HECTD2: variants seen among roughly 807,000 people sequenced by gnomAD.
HECTD2 encodes the protein probable E3 ubiquitin-protein ligase HECTD2.
In HECTD2, 35 loss-of-function variants were observed where a neutral mutation model predicts 103.2. The observed-to-expected ratio is 0.34, with a 90% CI of 0.26 to 0.45. The LOEUF (loss-of-function observed/expected upper bound fraction) is 0.45. HECTD2 is among the 20% of genes least tolerant of loss of function. HECTD2 has a pLI of 1.00. For missense variants in HECTD2, 596 were observed against 937.4 expected (o/e 0.64, Z 4.76); for synonymous variants, 281 against 329.9 (o/e 0.85, Z 1.61).
intron 2 of HECTD2, among the ~76,000 whole-genome samples, chr10:91,445,450 T>C (rs1844560683): frequency 6.6e-6 from 1 of 152,118 alleles, no homozygotes. Flanking sequence ...AAATAAGTAA[T>C]AAGTAATGAA....
chr10:91,497,347 G>A (rs544730065), intron 15 of HECTD2, among the ~76,000 whole-genome samples: 4 of 146,042 alleles, frequency 2.7e-5, no homozygotes, highest in African/African-American at 7.7e-5. Flanking sequence ...CTAGAATGCA[G>A]TGGAACAATC....
chr10:91,476,868 TG>T (rs1386566405), intron 5 of HECTD2, among the ~76,000 whole-genome samples: 2 of 152,024 alleles, frequency 1.3e-5, no homozygotes, highest in East Asian at 1.9e-4. Context: ...CTGCTCAGGA[TG>T]GGGAGGGGAT....
At chr10:91,425,920 G>A (rs1173863896) in intron 2 of HECTD2, among the ~76,000 whole-genome samples, 2 of 151,860 alleles carry the variant, frequency 1.3e-5, no homozygotes, top group African/African-American at 2.4e-5. Context: ...TGGAAAAAAT[G>A]TACATTATTT....
At chr10:91,481,441 C>T (rs2133278763) in intron 7 of HECTD2, among the ~76,000 whole-genome samples, 1 of 151,678 alleles carries the variant, frequency 6.6e-6, no homozygotes, top group South Asian at 2.1e-4. Flanking sequence ...CAGGAACAAA[C>T]AGAATGGAAG....
In HECTD2 at chr10:91,487,540, CACAT is replaced by C. The variant is rs1338359427; in HGVS notation, c.1095-138_1095-135del. On this transcript the variant is annotated intron_variant, in intron 10 of 20. Coordinates refer to ENST00000298068, the MANE Select transcript of HECTD2 (RefSeq NM_182765.6). This position sits in a 1 kb window ranked among gnomAD's most constrained non-coding sequence, Gnocchi z 4.1. ...GCTGTGAGAATTAAAAGAAATTATA[CACAT>C]ACAATCATTTTGTATATGGTAAAAC... is the stretch of plus-strand genomic sequence containing the variant. The C allele has an allele frequency of 4.3e-6, 3 of 701,376 alleles. No homozygotes were observed. In the Admixed American group the frequency reaches 6.1e-5, roughly 14 times the overall value. The allele number at this position is 701,376 out of a possible 1,614,324, so 43.4% of individuals were successfully genotyped here.
chr10:91,429,050 C>T (rs1245228090), intron 2 of HECTD2, among the ~76,000 whole-genome samples: 1 of 151,970 alleles, frequency 6.6e-6, no homozygotes, highest in Non-Finnish European at 1.5e-5. Context: ...GAAATGTGTC[C>T]CATCAATACC....
chr10:91,467,240 T>G (rs1042005164), intron 5 of HECTD2, among the ~76,000 whole-genome samples: 2 of 152,040 alleles, frequency 1.3e-5, no homozygotes, highest in Non-Finnish European at 1.5e-5. Context: ...CATGGACACT[T>G]GAGCTGGCAG....
At chr10:91,483,112 C>T (rs1348850715) in intron 8 of HECTD2, 36 bp downstream of exon 8, 2 of 911,790 alleles carry the variant, frequency 2.2e-6, no homozygotes, top group South Asian at 3.0e-5. Flanking sequence ...CTTTTATAGT[C>T]TCACAGTTTT....
At chr10:91,418,438 A>T (rs561913866) in intron 1 of HECTD2, among the ~76,000 whole-genome samples, 6 of 151,402 alleles carry the variant, frequency 4.0e-5, no homozygotes, top group African/African-American at 1.5e-4. Flanking sequence ...AATTGCGTTG[A>T]TTTTTTTTTG....
chr10:91,455,338 T>C (rs1046617712), intron 2 of HECTD2, among the ~76,000 whole-genome samples: 1 of 152,222 alleles, frequency 6.6e-6, no homozygotes. Flanking sequence ...TGAGCATTTT[T>C]TTCATGTGTC....
chr10:91,481,648 GATAGATACAGATTA>G (rs1169269357), intron 7 of HECTD2, among the ~76,000 whole-genome samples: 1 of 151,220 alleles, frequency 6.6e-6, no homozygotes, highest in African/African-American at 2.4e-5. Context: ...TTTTCCTCTT[GATAGATACAGATTA>G]ATAGATACAA....
chr10:91,449,760 A>T (rs1564712067), intron 2 of HECTD2, among the ~76,000 whole-genome samples: 1 of 152,136 alleles, frequency 6.6e-6, no homozygotes, highest in South Asian at 2.1e-4. Context: ...CCAAATCATG[A>T]GTGACCCCCA....
At chr10:91,502,179 A>G (rs1423447033) in intron 20 of HECTD2, among the ~76,000 whole-genome samples, 3 of 152,110 alleles carry the variant, frequency 2.0e-5, no homozygotes, top group Admixed American at 6.5e-5. Context: ...GAATCCAGAG[A>G]CTGTAAAATA....
intron 20 of HECTD2, among the ~76,000 whole-genome samples, chr10:91,503,696 G>T (rs577646188): frequency 6.6e-6 from 1 of 152,180 alleles, no homozygotes; most frequent in Non-Finnish European, 1.5e-5. Flanking sequence ...AGCGAGGCTG[G>T]GGGAGGGGCG....
intron 5 of HECTD2, among the ~76,000 whole-genome samples, chr10:91,468,865 A>G (rs7075424): frequency 0.2 from 29,720 of 149,076 alleles, 7,056 homozygotes; most frequent in African/African-American, 0.58. Flanking sequence ...GAGCCCAGGA[A>G]TTCAAAACTG....
intron 2 of HECTD2, among the ~76,000 whole-genome samples, chr10:91,427,490 C>T (rs1364246065): frequency 6.6e-6 from 1 of 152,190 alleles, no homozygotes; most frequent in Non-Finnish European, 1.5e-5. Flanking sequence ...GTTCCTGTCT[C>T]ACCACATCCT....
At chr10:91,491,781 T>C (rs922838110) in intron 12 of HECTD2, among the ~76,000 whole-genome samples, 11 of 152,318 alleles carry the variant, frequency 7.2e-5, no homozygotes, top group African/African-American at 2.4e-4. Flanking sequence ...AAAAAATGCT[T>C]CAGCTAGATC....
chr10:91,422,650 C>T (rs1429304691), intron 1 of HECTD2, among the ~76,000 whole-genome samples: 1 of 152,136 alleles, frequency 6.6e-6, no homozygotes, highest in Non-Finnish European at 1.5e-5. Flanking sequence ...CTAATCAACA[C>T]ACTAGTTTTG....
rs563661631 is a variant in HECTD2 at position 91,439,352 on chromosome 10, G to A, written c.268+13942G>A. On this transcript the variant is annotated intron_variant, in intron 2 of 20. Transcript: ENST00000298068. ...ATAGGGAATCCTTTCCCCATTGATT[G>A]TTTTTGTCAGATTTGTCAAAGATCA... 2.6e-5 allele frequency among the ~76,000 whole-genome samples: 4 copies of A among 152,252 alleles called. No individual in the cohort carries two copies. In the South Asian group the frequency reaches 8.3e-4, roughly 32 times the overall value.
Sources: allele counts gnomAD v4.1 joint callset (sites outside exome capture counted in the v4.1 genomes callset), GRCh38; gene constraint gnomAD v4.1.1; non-coding constraint Gnocchi (gnomAD v3.1); transcripts MANE v1.5; gene names NCBI Gene and HGNC (gene_info 2026-07-23, HGNC 2026-07-21).